The following SACM1L variants were observed in gnomAD, a reference collection of about 807,000 sequenced individuals.
The protein encoded by SACM1L is phosphatidylinositol-3-phosphatase SAC1.
A neutral mutation model predicts 89.5 loss-of-function variants in SACM1L; 32 were observed. That is an observed-to-expected ratio of 0.36 (90% CI 0.27 to 0.48). The LOEUF is 0.48. SACM1L is among the 20% of genes least tolerant of loss of function. The pLI is 0.99. For missense variants in SACM1L, 543 were observed against 708.5 expected, an observed-to-expected ratio of 0.77 and a Z score of 2.65; for synonymous variants, 213 against 232.8, an observed-to-expected ratio of 0.92 and a Z score of 0.77.
chr3:45,739,254 C>T (rs1699266560), intron 18 of SACM1L, among the ~76,000 whole-genome samples: 1 of 152,148 alleles, frequency 6.6e-6, no homozygotes, highest in South Asian at 2.1e-4. Context: ...CCTGCAAGAG[C>T]CGCTCTGGAT....
At chr3:45,726,494 G>A (rs1455712856) in intron 11 of SACM1L, among the ~76,000 whole-genome samples, 2 of 151,834 alleles carry the variant, frequency 1.3e-5, no homozygotes, top group African/African-American at 2.4e-5. Flanking sequence ...CCTACTTGTT[G>A]GCATACAGTT....
chr3:45,739,757 G>A, intron 19 of SACM1L, 113 bp downstream of exon 19: 2 of 950,520 alleles, frequency 2.1e-6, no homozygotes, highest in South Asian at 1.4e-5. Flanking sequence ...AATTTAATGG[G>A]TAAAGTGGAT....
intron 1 of SACM1L, among the ~76,000 whole-genome samples, chr3:45,699,614 A>C (rs192654383): frequency 6.6e-6 from 1 of 152,078 alleles, no homozygotes; most frequent in African/African-American, 2.4e-5. Flanking sequence ...TGCCACCTCC[A>C]TCTCCTGGGT....
chr3:45,720,753 T>C (rs1698771246), intron 8 of SACM1L, among the ~76,000 whole-genome samples: 1 of 152,206 alleles, frequency 6.6e-6, no homozygotes, highest in Admixed American at 6.5e-5. Context: ...ACAAGTAATC[T>C]CATAAAGTAT....
chr3:45,719,674 T>C, intron 8 of SACM1L, 73 bp downstream of exon 8: 2 of 822,848 alleles, frequency 2.4e-6, no homozygotes, highest in East Asian at 2.6e-5. Context: ...TGTAACCTTT[T>C]GTATTTTATT....
chr3:45,743,441 CT>C, intron 19 of SACM1L, 91 bp from the exon 20 acceptor site: 1 of 1,368,358 alleles, frequency 7.3e-7, no homozygotes, highest in Non-Finnish European at 9.9e-7. Context: ...TGCTAGTAAA[CT>C]TTAATGTTGC....
intron 5 of SACM1L, among the ~76,000 whole-genome samples, chr3:45,710,376 AG>A (rs1383905694): frequency 1.3e-5 from 2 of 151,804 alleles, no homozygotes; most frequent in African/African-American, 2.4e-5. Context: ...AGTTTTTAGT[AG>A]AGATGGGGTT....
intron 13 of SACM1L, among the ~76,000 whole-genome samples, chr3:45,733,201 A>G (rs1699118703): frequency 6.6e-6 from 1 of 152,220 alleles, no homozygotes; most frequent in Admixed American, 6.5e-5. Context: ...ACTGTGGTCC[A>G]CAGGGAGAGC....
intron 19 of SACM1L, among the ~76,000 whole-genome samples, chr3:45,740,968 A>C (rs2125707863): frequency 6.6e-6 from 1 of 152,294 alleles, no homozygotes; most frequent in South Asian, 2.1e-4. Context: ...TTTTCTCTTA[A>C]TATTTTGCTA....
At chr3:45,709,354 G>A (rs1698469967) in intron 4 of SACM1L, 144 bp from the exon 5 acceptor site, 1 of 641,342 alleles carries the variant, frequency 1.6e-6, no homozygotes, top group East Asian at 2.8e-5. Context: ...CCAGGGAAAT[G>A]GCGAGCATCC....
At chr3:45,732,195 A>G (rs780674251) in intron 13 of SACM1L, 44 bp downstream of exon 13, 5 of 1,144,020 alleles carry the variant, frequency 4.4e-6, no homozygotes, top group South Asian at 1.5e-5. Context: ...GAAGAGGTAT[A>G]TATATCAGTC....
At chr3:45,732,030 C>A in intron 12 of SACM1L, 23 bp from the exon 13 acceptor site, 1 of 1,414,952 alleles carries the variant, frequency 7.1e-7, no homozygotes, top group South Asian at 1.3e-5. Context: ...TGGTCGGTTT[C>A]TGAATATCTT....
intron 1 of SACM1L, among the ~76,000 whole-genome samples, chr3:45,699,429 TAA>T (rs1275446804): frequency 6.6e-6 from 1 of 150,708 alleles, no homozygotes; most frequent in African/African-American, 2.4e-5. Flanking sequence ...CATTTCTTTA[TAA>T]AAATGTTTTG....
chr3:45,697,049 C>G (rs539967895), intron 1 of SACM1L, among the ~76,000 whole-genome samples: 4 of 152,056 alleles, frequency 2.6e-5, no homozygotes, highest in African/African-American at 9.6e-5. Flanking sequence ...CTGGGATACT[C>G]AAAATAATTA....
At position 45,735,226 on chromosome 3, in the gene SACM1L, A is replaced by G; in HGVS notation, c.1101-9A>G. 1.2e-6 allele frequency: 2 copies of G among 1,601,794 alleles called. No homozygotes were observed. The highest frequency in any genetic ancestry group is 1.7e-6 in the Non-Finnish European group (2 of 1,176,740). On this transcript the variant is annotated splice_polypyrimidine_tract_variant and intron_variant, in intron 13 of 19. Coordinates refer to ENST00000389061, the MANE Select transcript of SACM1L (RefSeq NM_014016.5). ...TTGGTATGAGAGTGTTTATACAAAT[A>G]TGTTTTAGTTATTTTCTAGTGGACT...
intron 5 of SACM1L, among the ~76,000 whole-genome samples, chr3:45,710,933 A>G (rs1024195745): frequency 2.0e-5 from 3 of 152,146 alleles, no homozygotes; most frequent in African/African-American, 4.8e-5. Context: ...CCATTTGTTT[A>G]TGAAACATCT....
At chr3:45,695,015 G>A (rs935427091) in intron 1 of SACM1L, among the ~76,000 whole-genome samples, 1 of 152,148 alleles carries the variant, frequency 6.6e-6, no homozygotes, top group Admixed American at 6.5e-5. Context: ...GAATTGGGTT[G>A]TGCCCCTGGG....
At chr3:45,740,384 G>A (rs906106612) in intron 19 of SACM1L, among the ~76,000 whole-genome samples, 4 of 152,110 alleles carry the variant, frequency 2.6e-5, no homozygotes, top group Non-Finnish European at 4.4e-5. Context: ...CTGTCTTTTA[G>A]GGTAAAGATT....
chr3:45,715,667 G>A (rs930267657), intron 7 of SACM1L, among the ~76,000 whole-genome samples: 4 of 151,916 alleles, frequency 2.6e-5, no homozygotes, highest in African/African-American at 4.8e-5. Flanking sequence ...CCAGCTACTC[G>A]GGAGACTGAG....
Sources: allele counts gnomAD v4.1 joint callset (sites outside exome capture counted in the v4.1 genomes callset), GRCh38; gene constraint gnomAD v4.1.1; transcripts MANE v1.5; gene names NCBI Gene and HGNC (gene_info 2026-07-23, HGNC 2026-07-21).